Variants in EPG5 observed in about 807,000 individuals in gnomAD.
EPG5 encodes the protein ectopic P-granules 5 autophagy tethering factor.
Under a neutral mutation model 302.7 loss-of-function variants are expected in EPG5, and 159 were observed. The observed-to-expected ratio is 0.53, with a 90% CI of 0.46 to 0.60. The LOEUF (loss-of-function observed/expected upper bound fraction) is 0.60, where lower values mean the gene tolerates loss of function less well. EPG5 is among the 20% of genes least tolerant of loss of function. The pLI is 0.00. For missense variants in EPG5, 2,896 were observed against 3,092.4 expected (o/e 0.94, Z 1.51); for synonymous variants, 1,158 against 1,136.8 (o/e 1.02, Z -0.37).
chr18:45,836,084 C>G, the EPG5 span, among the ~76,000 whole-genome samples: 2 of 152,162 alleles, frequency 1.3e-5, no homozygotes, highest in Admixed American at 1.3e-4. Context: ...TGGATGGTCC[C>G]CATGGAGGAT....
chr18:45,821,504 T>C, the EPG5 span, among the ~76,000 whole-genome samples: 1 of 152,090 alleles, frequency 6.6e-6, no homozygotes, highest in African/African-American at 2.4e-5. Context: ...TATAAAACAC[T>C]AGAAGGAAAC....
At chr18:45,921,810 C>A (rs2050159540) in intron 16 of EPG5, among the ~76,000 whole-genome samples, 1 of 151,360 alleles carries the variant, frequency 6.6e-6, no homozygotes, top group African/African-American at 2.4e-5. Flanking sequence ...CAGGGCCTGT[C>A]ATGGGGTGGG....
rs751174875 is a variant in EPG5, at chr18:45,928,889, T to C, written c.2533A>G (p.Thr845Ala). The C allele has an allele frequency of 6.2e-7, 1 of 1,613,228 alleles. No individual in the cohort carries two copies. The highest frequency in any genetic ancestry group is 8.5e-7 in the Non-Finnish European group (1 of 1,179,664). ...CTTACCATTCCAACCTGGTCAATGG[T>C]CTCTTGAACTCTATCCAGAAGGACG... The part of the protein sequence containing the change: ...ISVLLDRVQE[T>A]IDQVGMVSLY... The change falls in exon 13 of 44, where the codon ACC becomes GCC. Residue 845 changes from threonine to alanine, a missense_variant. By Grantham distance (58) the Thr-to-Ala change is moderately conservative. Coordinates refer to ENST00000282041, the MANE Select transcript of EPG5 (RefSeq NM_020964.3).
chr18:45,820,970 T>C, the EPG5 span, among the ~76,000 whole-genome samples: 1 of 152,206 alleles, frequency 6.6e-6, no homozygotes, highest in Admixed American at 6.5e-5. Flanking sequence ...AAAGAACCAA[T>C]GAAAACCAGG....
chr18:45,922,771 AACTTGCGCTT>A (rs2050187431), intron 15 of EPG5, among the ~76,000 whole-genome samples, 171 bp from the exon 16 acceptor site: 1 of 152,262 alleles, frequency 6.6e-6, no homozygotes, highest in African/African-American at 2.4e-5. Context: ...TTTCACTCGC[AACTTGCGCTT>A]ACTTGCTAGT....
At chr18:45,889,465 T>C (rs1299823771) in intron 28 of EPG5, among the ~76,000 whole-genome samples, 1 of 152,214 alleles carries the variant, frequency 6.6e-6, no homozygotes, top group Non-Finnish European at 1.5e-5. Context: ...ATGCACTATA[T>C]CATCTCACAA....
chr18:45,894,476 A>ATAT (rs1568129365), intron 27 of EPG5, among the ~76,000 whole-genome samples: 2 of 151,654 alleles, frequency 1.3e-5, no homozygotes, highest in African/African-American at 4.9e-5. Flanking sequence ...AATAATAATA[A>ATAT]TATTAAAAAC....
intron 4 of EPG5, among the ~76,000 whole-genome samples, 190 bp downstream of exon 4, chr18:45,950,912 A>AATT (rs1327042235): frequency 6.6e-5 from 10 of 152,214 alleles, no homozygotes; most frequent in African/African-American, 9.6e-5. Context: ...AGAGAAACAT[A>AATT]CTTTGTGCTC....
In EPG5 at chr18:45,928,946, T is replaced by A. The variant is rs1374823712; in HGVS notation, c.2476A>T (p.Thr826Ser). Residue 826 changes from threonine (T) to serine (S), a missense_variant, in exon 13 of 44, where the codon ACT becomes TCT. By Grantham distance (58) the Thr-to-Ser change is moderately conservative. Coordinates refer to ENST00000282041, the MANE Select transcript of EPG5 (RefSeq NM_020964.3). ...FSKVGRELLG[T>S]ITAVHPEIIS... ...ATCTCAGGGTGAACAGCTGTGATAG[T>A]CCCTAAAAGCTCTCGACCAACCTTT... 6.2e-7 allele frequency: 1 copy of A among 1,613,920 alleles called. No individual in the cohort carries two copies. The highest frequency in any genetic ancestry group is 2.2e-5 in the East Asian group (1 of 44,878).
chr18:45,884,560 G>C (rs1006942418), intron 30 of EPG5, 57 bp downstream of exon 30: 4 of 1,469,484 alleles, frequency 2.7e-6, no homozygotes, highest in Admixed American at 4.6e-5. Context: ...TGTAGAGGAG[G>C]AAGCAACAAT....
At chr18:45,874,981 T>C (rs1180693567) in intron 35 of EPG5, among the ~76,000 whole-genome samples, 2 of 152,062 alleles carry the variant, frequency 1.3e-5, no homozygotes, top group Non-Finnish European at 2.9e-5. Flanking sequence ...ACTGAAAGGG[T>C]AGAATGGGGC....
chr18:45,940,055 T>C (rs914341082), intron 9 of EPG5, among the ~76,000 whole-genome samples: 6 of 150,078 alleles, frequency 4.0e-5, no homozygotes, highest in African/African-American at 1.2e-4. Flanking sequence ...TGTCTGGAGG[T>C]GGAGGGGTGG....
At chr18:45,862,546 G>A (rs1008585980) in intron 39 of EPG5, among the ~76,000 whole-genome samples, 1 of 152,072 alleles carries the variant, frequency 6.6e-6, no homozygotes, top group African/African-American at 2.4e-5. Context: ...CCATCCTCTT[G>A]GTGCTGTTCT....
At chr18:45,885,463 G>A (rs1008952416) in intron 29 of EPG5, among the ~76,000 whole-genome samples, 11 of 152,094 alleles carry the variant, frequency 7.2e-5, no homozygotes, top group African/African-American at 2.7e-4. Context: ...ACCCAACATG[G>A]TGCTGCATTA....
chr18:45,962,314 G>A (rs1253533547), intron 1 of EPG5, among the ~76,000 whole-genome samples: 1 of 152,140 alleles, frequency 6.6e-6, no homozygotes, highest in Non-Finnish European at 1.5e-5. Context: ...GACCTTCTGG[G>A]ACACATCTTT....
chr18:45,880,342 ACTCACAGGGATATCTGGGGTGAG>A (rs1478786358), intron 31 of EPG5, 119 bp from the exon 32 acceptor site: 5 of 972,418 alleles, frequency 5.1e-6, no homozygotes, highest in African/African-American at 1.7e-5. Context: ...TCCAAAACAA[ACTCACAGGGATATCTGGGGTGAG>A]GAGGCCCAAG....
the EPG5 span, chr18:45,837,636 C>A: frequency 6.6e-7 from 1 of 1,507,288 alleles, no homozygotes; most frequent in South Asian, 1.2e-5. Context: ...CCGCTGACGG[C>A]CATCTGGCGC....
At chr18:45,821,643 GAA>G in the EPG5 span, among the ~76,000 whole-genome samples, 1 of 152,182 alleles carries the variant, frequency 6.6e-6, no homozygotes, top group Admixed American at 6.5e-5. Context: ...CATAGCAATG[GAA>G]GTAATCAGCA....
At chr18:45,860,380 G>A in intron 39 of EPG5, 34 bp from the exon 40 acceptor site, 2 of 1,613,690 alleles carry the variant, frequency 1.2e-6, no homozygotes, top group Non-Finnish European at 1.7e-6. Flanking sequence ...AAGAATGGCT[G>A]CCAGAAAGGT....
Sources: gnomAD v4.1 joint callset for allele counts (sites outside exome capture counted in the v4.1 genomes callset) on GRCh38, gnomAD v4.1.1 for gene constraint, MANE v1.5 for transcripts, NCBI Gene and HGNC (gene_info 2026-07-23, HGNC 2026-07-21) for gene names.